EVL: variants seen among roughly 807,000 people sequenced by gnomAD.
The protein encoded by EVL is ena/VASP-like protein.
EVL carries 21 observed loss-of-function variants against 59.6 expected under a neutral mutation model. The observed-to-expected ratio is 0.35, with a 90% CI of 0.25 to 0.51. The LOEUF is 0.51. Among genes scored for constraint, EVL ranks in the 20% least tolerant of loss-of-function variants. The probability of loss-of-function intolerance (pLI) is 0.97; values close to 1 mark genes in which losing one functional copy is unlikely to be tolerated. For missense variants in EVL, 462 were observed against 546.6 expected (o/e 0.85, Z 1.54); for synonymous variants, 198 against 203.5 (o/e 0.97, Z 0.23).
At chr14:100,091,595 T>C (rs762001360) in intron 2 of EVL, among the ~76,000 whole-genome samples, 6 of 152,308 alleles carry the variant, frequency 3.9e-5, no homozygotes, top group Non-Finnish European at 5.9e-5. Flanking sequence ...CTGCATCCTT[T>C]GCCCTGTGCG....
intron 1 of EVL, among the ~76,000 whole-genome samples, chr14:100,049,744 G>C (rs1431394234): frequency 6.6e-6 from 1 of 152,022 alleles, no homozygotes; most frequent in Non-Finnish European, 1.5e-5. Flanking sequence ...ATTAATTTTA[G>C]AACATTTTTA....
chr14:100,032,612 A>T (rs889537948), intron 1 of EVL, among the ~76,000 whole-genome samples: 1 of 152,148 alleles, frequency 6.6e-6, no homozygotes, highest in African/African-American at 2.4e-5. Context: ...CTCCAAAAAA[A>T]TGATTTAGTC....
At chr14:100,076,391 G>A (rs990365606) in intron 1 of EVL, among the ~76,000 whole-genome samples, 2 of 152,226 alleles carry the variant, frequency 1.3e-5, no homozygotes, top group African/African-American at 4.8e-5. Flanking sequence ...GAAGAGAACT[G>A]TGGCCTAAGT....
At position 100,114,195 on chromosome 14, in the gene EVL, T is replaced by G. The variant is rs1390450228; in HGVS notation, c.359-9344T>G. ...CGGGGGGGAATCAAATGAGCCTTAC[T>G]TCTGTGAGCGGGTGCCAACTTGGTT... is the stretch of plus-strand genomic sequence containing the variant. On this transcript the variant is annotated intron_variant, in intron 3 of 13. Transcript: ENST00000392920. This position sits in a 1 kb window ranked among gnomAD's most constrained non-coding sequence, Gnocchi z 5.0. Among the ~76,000 whole-genome samples, 1 of 151,922 alleles carries G rather than the reference T, an allele frequency of 6.6e-6. No homozygotes were observed. The highest frequency in any genetic ancestry group is 6.6e-5 in the Admixed American group (1 of 15,258).
chr14:100,054,884 G>C (rs1327648016), intron 1 of EVL, among the ~76,000 whole-genome samples: 2 of 152,086 alleles, frequency 1.3e-5, no homozygotes, highest in African/African-American at 2.4e-5. Flanking sequence ...CACATCCCCT[G>C]TCAACCAGCC....
exon 1 of EVL, chr14:99,971,609 T>A (rs1238313250): frequency 6.6e-6 from 1 of 151,148 alleles, no homozygotes; most frequent in Non-Finnish European, 1.5e-5. Context: ...GTGCTGAGAC[T>A]AGCCCGCGCG....
chr14:100,046,489 A>G (rs1390041354), intron 1 of EVL, among the ~76,000 whole-genome samples: 2 of 152,000 alleles, frequency 1.3e-5, no homozygotes, highest in African/African-American at 4.8e-5. Context: ...TGACATGGCG[A>G]AACCCTCTCT....
At chr14:100,118,532 C>T (rs1253684972) in intron 3 of EVL, among the ~76,000 whole-genome samples, 1 of 152,200 alleles carries the variant, frequency 6.6e-6, no homozygotes, top group Non-Finnish European at 1.5e-5. Context: ...AGGGGAGTGA[C>T]CGCCAAACGC....
chr14:99,994,461 C>T (rs576432156), intron 1 of EVL, among the ~76,000 whole-genome samples: 2 of 151,854 alleles, frequency 1.3e-5, no homozygotes, highest in South Asian at 4.2e-4. Flanking sequence ...TTGTGATTAC[C>T]ATTACAATTA....
chr14:100,040,011 C>T (rs957010560), intron 1 of EVL, among the ~76,000 whole-genome samples: 2 of 152,158 alleles, frequency 1.3e-5, no homozygotes, highest in Admixed American at 6.5e-5. Flanking sequence ...AACTCCCGGG[C>T]TCAAGGGATC....
chr14:100,093,961 A>C (rs1885621506), intron 2 of EVL, among the ~76,000 whole-genome samples: 1 of 152,202 alleles, frequency 6.6e-6, no homozygotes, highest in Non-Finnish European at 1.5e-5. Flanking sequence ...TATTGTTGTT[A>C]ATCTCTGACT....
At chr14:100,029,558 G>A (rs1469536514) in intron 1 of EVL, among the ~76,000 whole-genome samples, 2 of 152,192 alleles carry the variant, frequency 1.3e-5, no homozygotes, top group Non-Finnish European at 2.9e-5. Flanking sequence ...TACTAACATA[G>A]GAGATTGGGA....
At chr14:100,128,227 A>G (rs1888203401) in intron 5 of EVL, among the ~76,000 whole-genome samples, 1 of 152,218 alleles carries the variant, frequency 6.6e-6, no homozygotes, top group Non-Finnish European at 1.5e-5. Context: ...CTGGAAAAAC[A>G]TGATTGGAGC....
chr14:100,116,227 C>G (rs1256998001), intron 3 of EVL, among the ~76,000 whole-genome samples: 1 of 152,206 alleles, frequency 6.6e-6, no homozygotes, highest in African/African-American at 2.4e-5. Context: ...TGAGGGGACC[C>G]TCTGGAAAGA....
intron 6 of EVL, 70 bp from the exon 7 acceptor site, chr14:100,129,493 C>T (rs1383726293): frequency 1.9e-6 from 3 of 1,602,496 alleles, no homozygotes; most frequent in South Asian, 1.1e-5. Flanking sequence ...CCCTGCATCC[C>T]CTCACATCGT....
chr14:100,008,276 C>G (rs1006223576), intron 1 of EVL, among the ~76,000 whole-genome samples: 2 of 152,134 alleles, frequency 1.3e-5, no homozygotes, highest in Non-Finnish European at 2.9e-5. Flanking sequence ...TGGATGACCC[C>G]GCTTTTGAGA....
intron 1 of EVL, among the ~76,000 whole-genome samples, chr14:100,038,996 G>A (rs1429700747): frequency 6.6e-6 from 1 of 152,036 alleles, no homozygotes; most frequent in Non-Finnish European, 1.5e-5. Context: ...GCCCAGGACT[G>A]GCTTCTCAGA....
At chr14:100,138,671 T>C (rs1316292815) in intron 11 of EVL, 4 of 152,692 alleles carry the variant, frequency 2.6e-5, no homozygotes, top group African/African-American at 9.7e-5. Context: ...AGCCAGGCCG[T>C]GTGCTGGGGA....
chr14:100,093,141 GACATTGGCCTTGTGTCACTGCACAT>G (rs2062600145), intron 2 of EVL, among the ~76,000 whole-genome samples: 1 of 152,236 alleles, frequency 6.6e-6, no homozygotes, highest in Admixed American at 6.5e-5. Flanking sequence ...ATGGTCAAGT[GACATTGGCCTTGTGTCACTGCACAT>G]ACATCCAAAA....
Sources: allele counts gnomAD v4.1 joint callset (sites outside exome capture counted in the v4.1 genomes callset), GRCh38; gene constraint gnomAD v4.1.1; non-coding constraint Gnocchi (gnomAD v3.1); transcripts MANE v1.5; gene names NCBI Gene and HGNC (gene_info 2026-07-23, HGNC 2026-07-21).